The following PTCH2 variants were observed in gnomAD, a reference collection of about 807,000 sequenced individuals.
The protein encoded by PTCH2 is protein patched homolog 2.
In PTCH2, 96 loss-of-function variants were observed where a neutral mutation model predicts 117.9. The ratio of observed to expected loss-of-function variants is 0.81; its 90% CI spans 0.69 to 0.96. The LOEUF (loss-of-function observed/expected upper bound fraction) is 0.96. Among genes scored for constraint, PTCH2 ranks in the 50% least tolerant of loss-of-function variants. The pLI is 0.00. For missense variants in PTCH2, 1,379 were observed against 1,562.5 expected (o/e 0.88, Z 1.98); for synonymous variants, 615 against 660.9 (o/e 0.93, Z 1.06).
At chr1:44,820,628 C>A, downstream of PTCH2, 1 of 702,296 alleles carries the variant, frequency 1.4e-6, no homozygotes, top group Non-Finnish European at 2.7e-6. Context: ...ACCAATTCAG[C>A]CTGTCCAGAC....
chr1:44,841,986 G>A lies in PTCH2; in HGVS notation c.126C>T (p.Gly42=), dbSNP rs771823715. The change falls in exon 2 of 22, where the codon GGC becomes GGT. Residue 42 remains glycine, a synonymous_variant. Transcript: ENST00000372192. ...APLWLRAYFQ[G]LLFSLGCGIQ... is the part of the protein sequence containing the mutation. ...TCCCGCATCCCAGAGAGAAGAGCAG[G>A]CCCTGGAAGTAAGCACGAAGCCAGA... 6 of 1,614,174 alleles carry A rather than the reference G, an allele frequency of 3.7e-6. No individual in the cohort carries two copies. The highest frequency in any genetic ancestry group is 3.3e-5 in the Admixed American group (2 of 60,028).
chr1:44,824,791 G>A (rs564222732), intron 19 of PTCH2, among the ~76,000 whole-genome samples: 1 of 152,180 alleles, frequency 6.6e-6, no homozygotes, highest in African/African-American at 2.4e-5. Flanking sequence ...TCCTGCCTCA[G>A]CATCCTGAGT....
chr1:44,832,335 C>T lies in PTCH2; in HGVS notation c.272G>A (p.Ser91Asn), dbSNP rs2148880440. The change falls in exon 3 of 22, where the codon AGC becomes AAC. Residue 91 changes from serine to asparagine, a missense_variant. Ser to Asn is a conservative substitution (Grantham distance 46, BLOSUM62 1). Transcript: ENST00000372192. The stretch of plus-strand genomic sequence containing the variant: ...GTAATGCAGCTCCTGGCTCACCCGG[C>T]TGCCCACTGCCAGAGCAAACAGAGA... ...NLEQLWVEVG[S>N]RVSQELHYTK... The T allele has an allele frequency of 6.2e-7, 1 of 1,614,110 alleles. No individual in the cohort carries two copies. Among genetic ancestry groups the T allele is most frequent in the Non-Finnish European group, 8.5e-7 (1 of 1,180,030 alleles).
intron 2 of PTCH2, among the ~76,000 whole-genome samples, chr1:44,836,437 C>T (rs1280268100): frequency 6.6e-6 from 1 of 152,088 alleles, no homozygotes; most frequent in Non-Finnish European, 1.5e-5. Flanking sequence ...CGGCCAGGCG[C>T]GATGGCTCAT....
At position 44,827,037 on chromosome 1, in the gene PTCH2, C is replaced by A; in HGVS notation, c.2560G>T (p.Glu854Ter). The change falls in exon 17 of 22, where the codon GAG becomes TAG. Residue 854 changes from glutamate (E) to a stop codon, truncating the protein, a stop_gained. Transcript: ENST00000372192. LOFTEE classifies it high-confidence loss of function. ...ACGGTCAGCCCCATGTAGAAGAGCT[C>A]GGGTGGAATCAGTCCCTCTCTGTCC... ...LVDREGLIPP[E>*]LFYMGLTVWV... 6.2e-7 allele frequency: 1 copy of A among 1,614,068 alleles called. No homozygotes were observed. Among genetic ancestry groups the A allele is most frequent in the Non-Finnish European group, 8.5e-7 (1 of 1,180,018 alleles).
intron 2 of PTCH2, among the ~76,000 whole-genome samples, chr1:44,834,205 T>C (rs534733228): frequency 1.3e-5 from 2 of 151,526 alleles, no homozygotes; most frequent in African/African-American, 2.4e-5. Flanking sequence ...CTGCAACCTC[T>C]GCCTCCCGGG....
At chr1:44,833,783 A>G (rs1403256521) in intron 2 of PTCH2, among the ~76,000 whole-genome samples, 1 of 151,460 alleles carries the variant, frequency 6.6e-6, no homozygotes, top group Non-Finnish European at 1.5e-5. Flanking sequence ...TTTTTAGTAC[A>G]GGTGGGGTTT....
Position 44,826,211 on chromosome 1 carries a change from A to C in PTCH2, c.3114+39T>G. On this transcript the variant is annotated intron_variant, in intron 19 of 21. Transcript: ENST00000372192. This position sits in a 1 kb window ranked among gnomAD's most constrained non-coding sequence, Gnocchi z 5.1. ...TTGAACAATATGTGTTGAATACTGA[A>C]TCAGCTGATTGGTCCCTCCCCGGGG... 6.2e-7 allele frequency: 1 copy of C among 1,606,556 alleles called. No individual in the cohort carries two copies. The highest frequency in any genetic ancestry group is 8.5e-7 in the Non-Finnish European group (1 of 1,176,400).
rs375847993 is a variant in PTCH2 at position 44,841,950 on chromosome 1, A to G, written c.162T>C (p.His54=). The change falls in exon 2 of 22, where the codon CAT becomes CAC. Residue 54 remains histidine (H), a synonymous_variant. Coordinates refer to ENST00000372192, the MANE Select transcript of PTCH2 (RefSeq NM_003738.5). ...LFSLGCGIQR[H]CGKVLFLGLL... is the part of the protein sequence containing the mutation. Reference sequence around the variant, plus strand: ...GTCCCAGAAAGAGCACTTTGCCACAATGTCTCTGGATCCCGCATCCCAGAG... The same window carrying G: ...GTCCCAGAAAGAGCACTTTGCCACAGTGTCTCTGGATCCCGCATCCCAGAG... The G allele has an allele frequency of 5.7e-5, 92 of 1,614,104 alleles. No individual in the cohort carries two copies. The highest frequency in any genetic ancestry group is 1.6e-4 in the Middle Eastern group (1 of 6,084).
At position 44,830,050 on chromosome 1, in the gene PTCH2, G is replaced by T; in HGVS notation, c.814-20C>A. The T allele has an allele frequency of 6.2e-7, 1 of 1,613,532 alleles. No homozygotes were observed. Among genetic ancestry groups the T allele is most frequent in the Non-Finnish European group, 8.5e-7 (1 of 1,179,664 alleles). Reference sequence around the variant, plus strand: ...GGGAGCCTGGAGGGGAACAGGAGGGGTTAATGCTCAAGGCCCTGGCCGTGG... The same window carrying T: ...GGGAGCCTGGAGGGGAACAGGAGGGTTTAATGCTCAAGGCCCTGGCCGTGG... On this transcript the variant is annotated intron_variant, in intron 6 of 21. Coordinates refer to ENST00000372192, the MANE Select transcript of PTCH2 (RefSeq NM_003738.5).
In PTCH2 at chr1:44,826,037, G is replaced by C. The variant is rs539708866; in HGVS notation, c.3114+213C>G. ...TTTTTTGTATTTTTAGTAAAGACAG[G>C]GTTTCACCATGTTGGCCAGGCTGGT... On this transcript the variant is annotated intron_variant, in intron 19 of 21. Transcript: ENST00000372192. This position sits in a 1 kb window ranked among gnomAD's most constrained non-coding sequence, Gnocchi z 5.1. 1.3e-5 allele frequency among the ~76,000 whole-genome samples: 2 copies of C among 151,794 alleles called. No individual in the cohort carries two copies. Among genetic ancestry groups the C allele is most frequent in the East Asian group, 1.9e-4 (1 of 5,156 alleles).
rs1239103579 is a variant in PTCH2, at chr1:44,832,003, G to A, written c.497C>T (p.Pro166Leu). ...CTCAATCATTCCATTTTCAATAAGGGGAACTCCTGACTTGTAGCAGATTTT... is the reference window on the plus strand; with the variant it reads ...CTCAATCATTCCATTTTCAATAAGGAGAACTCCTGACTTGTAGCAGATTTT... ...LNKICYKSGV[P>L]LIENGMIERM... Residue 166 changes from proline (P) to leucine (L), a missense_variant, in exon 4 of 22, where the codon CCC (proline) becomes CTC (leucine). By Grantham distance (98) the Pro-to-Leu change is moderately conservative. Transcript: ENST00000372192. 2 of 1,613,388 alleles carry A rather than the reference G, an allele frequency of 1.2e-6. No homozygotes were observed. The highest frequency in any genetic ancestry group is 2.2e-5 in the East Asian group (1 of 44,866).
chr1:44,834,229 C>T (rs1653586677), intron 2 of PTCH2, among the ~76,000 whole-genome samples: 1 of 151,892 alleles, frequency 6.6e-6, no homozygotes, highest in Non-Finnish European at 1.5e-5. Context: ...AAGCGATTCT[C>T]CTGCCTCAGC....
intron 2 of PTCH2, 112 bp downstream of exon 2, chr1:44,841,735 G>T: frequency 8.5e-7 from 1 of 1,176,766 alleles, no homozygotes; most frequent in Non-Finnish European, 1.3e-6. Context: ...GCCAGCAGGT[G>T]ACCCTCCAGC....
Position 44,829,492 on chromosome 1 carries a change from G to A in PTCH2, c.1125C>T (p.Ile375=), listed in dbSNP as rs1210834899. The change falls in exon 9 of 22, where the codon ATC becomes ATT. Residue 375 remains isoleucine, a synonymous_variant. Coordinates refer to ENST00000372192, the MANE Select transcript of PTCH2 (RefSeq NM_003738.5). ...CCAGGGTGGTGGAGGAGAAGGCATG[G>A]ATCTGCTGGGAAGCGTTCTCAGGCA... is the stretch of plus-strand genomic sequence containing the variant. ...EALPENASQQ[I]HAFSSTTLDD... is the part of the protein sequence containing the mutation. 1 of 1,614,244 alleles carries A rather than the reference G, an allele frequency of 6.2e-7. No homozygotes were observed. The highest frequency in any genetic ancestry group is 1.3e-5 in the African/African-American group (1 of 75,074).
rs1653289329 is a variant in PTCH2 at position 44,828,909 on chromosome 1, G to C, written c.1464+73C>G. The C allele has an allele frequency of 3.4e-6, 5 of 1,476,526 alleles. No homozygotes were observed. The South Asian group carries it at 6.1e-5, about 18-fold the overall frequency. 91.5% of individuals were successfully genotyped at this position (1,476,526 alleles called of 1,614,324 possible). A position where few individuals can be genotyped will look rare whatever the true frequency, so the allele number is the denominator to read the frequency against. On this transcript the variant is annotated intron_variant, in intron 11 of 21. Transcript: ENST00000372192. ...CACCGAGGTTCATTAGCAGCCCAAGGTCACTTGAACCAAGAGGCTCTTAAC... is the reference window on the plus strand; with the variant it reads ...CACCGAGGTTCATTAGCAGCCCAAGCTCACTTGAACCAAGAGGCTCTTAAC...
Position 44,822,362 on chromosome 1 carries a change from T to C in PTCH2, c.*53A>G. ...CTGCGTCTAACACCAGACCCAGTGC[T>C]TCCCAGTGACCCCACACGCCCCACA... is the stretch of plus-strand genomic sequence containing the variant. On this transcript the variant is annotated 3_prime_UTR_variant, in exon 22 of 22. Transcript: ENST00000372192. 6.2e-7 allele frequency: 1 copy of C among 1,611,302 alleles called. No homozygotes were observed. The highest frequency in any genetic ancestry group is 2.2e-5 in the East Asian group (1 of 44,890).
downstream of PTCH2, chr1:44,819,917 T>A (rs41269083): frequency 1.4e-4 from 21 of 153,362 alleles, no homozygotes; most frequent in African/African-American, 4.8e-4. Flanking sequence ...AAAAATTGAA[T>A]AAAAACTCAC....
chr1:44,839,557 G>C (rs1653850894), intron 2 of PTCH2, among the ~76,000 whole-genome samples: 1 of 152,048 alleles, frequency 6.6e-6, no homozygotes, highest in Non-Finnish European at 1.5e-5. Flanking sequence ...GAGTATAGGA[G>C]AGAGGATGAG....
Sources: allele counts gnomAD v4.1 joint callset (sites outside exome capture counted in the v4.1 genomes callset), GRCh38; gene constraint gnomAD v4.1.1; non-coding constraint Gnocchi (gnomAD v3.1); transcripts MANE v1.5; gene names NCBI Gene and HGNC (gene_info 2026-07-23, HGNC 2026-07-21).